GGT7: variants seen among roughly 807,000 people sequenced by gnomAD.
GGT7 encodes the protein gamma-glutamyltransferase 7, also known as glutathione hydrolase 7.
In GGT7, 30 loss-of-function variants were observed where a neutral mutation model predicts 69.2. The ratio of observed to expected loss-of-function variants is 0.43; its 90% CI spans 0.32 to 0.59. GGT7 has a LOEUF of 0.59. Ranked by LOEUF, GGT7 falls within the 20% of genes least tolerant of loss-of-function variation. GGT7 has a pLI of 0.05. For synonymous variants in GGT7, 388 were observed against 391.8 expected (o/e 0.99, Z 0.12); for missense variants, 733 against 901.1 (o/e 0.81, Z 2.39).
At chr20:34,859,898 C>G in intron 6 of GGT7, 71 bp downstream of exon 6, 1 of 1,136,836 alleles carries the variant, frequency 8.8e-7, no homozygotes, top group Non-Finnish European at 1.3e-6. Context: ...CTGGCTTGGG[C>G]TCCAAATCTC....
intron 7 of GGT7, among the ~76,000 whole-genome samples, chr20:34,859,058 T>C (rs1023386208): frequency 2.0e-5 from 3 of 151,972 alleles, no homozygotes; most frequent in Non-Finnish European, 4.4e-5. Flanking sequence ...TAATCCCAGT[T>C]ACTCGGGAGG....
At chr20:34,855,765 G>A (rs1201422388) in intron 8 of GGT7, among the ~76,000 whole-genome samples, 6 of 131,334 alleles carry the variant, frequency 4.6e-5, no homozygotes, top group South Asian at 2.5e-4. Flanking sequence ...TAGCTCCAAC[G>A]CTACGCTTGT....
intron 10 of GGT7, among the ~76,000 whole-genome samples, chr20:34,853,701 T>C (rs938548406): frequency 1.3e-5 from 2 of 152,180 alleles, no homozygotes; most frequent in Non-Finnish European, 2.9e-5. Flanking sequence ...AAGCTTTACA[T>C]GTATGATTTT....
intron 14 of GGT7, among the ~76,000 whole-genome samples, chr20:34,849,544 C>A (rs575978918): frequency 6.6e-6 from 1 of 152,284 alleles, no homozygotes; most frequent in Non-Finnish European, 1.5e-5. Flanking sequence ...CCTATTATAT[C>A]ACCCTGCTTT....
chr20:34,862,765 T>C, intron 3 of GGT7, 49 bp downstream of exon 3: 3 of 1,594,800 alleles, frequency 1.9e-6, no homozygotes, highest in Non-Finnish European at 2.6e-6. Context: ...CCTACAGACC[T>C]GGAGGCAAGA....
chr20:34,852,751 G>A (rs1244215298), intron 10 of GGT7, among the ~76,000 whole-genome samples: 1 of 152,170 alleles, frequency 6.6e-6, no homozygotes, highest in East Asian at 1.9e-4. Context: ...ATTCTTTTCT[G>A]GAACCAACTT....
chr20:34,850,463 TC>T (rs749690808), intron 13 of GGT7, among the ~76,000 whole-genome samples: 37 of 152,164 alleles, frequency 2.4e-4, no homozygotes, highest in Admixed American at 1.3e-4. Context: ...CCAAACTGCC[TC>T]CCTGCTCTTT....
intron 12 of GGT7, among the ~76,000 whole-genome samples, chr20:34,851,788 G>A: frequency 6.6e-6 from 1 of 152,198 alleles, no homozygotes; most frequent in South Asian, 2.1e-4. Flanking sequence ...CCTCTTTGGT[G>A]CCCAACCATA....
chr20:34,849,161 C>CTT (rs750114916), intron 14 of GGT7, among the ~76,000 whole-genome samples: 11 of 138,400 alleles, frequency 7.9e-5, no homozygotes, highest in African/African-American at 2.4e-4. Flanking sequence ...CTCTCTCTTA[C>CTT]TTTTTTTTTT....
intron 1 of GGT7, among the ~76,000 whole-genome samples, chr20:34,868,839 C>G (rs982630112): frequency 3.3e-5 from 5 of 152,110 alleles, no homozygotes; most frequent in Non-Finnish European, 7.4e-5. Context: ...CATCTTGCCC[C>G]TAATAAAATG....
At chr20:34,854,182 C>A (rs556525991) in intron 10 of GGT7, among the ~76,000 whole-genome samples, 13 of 152,298 alleles carry the variant, frequency 8.5e-5, no homozygotes, top group African/African-American at 3.1e-4. Flanking sequence ...GGTGATCCAC[C>A]CGCCTTGGCC....
At chr20:34,858,859 G>A (rs1227711441) in intron 7 of GGT7, among the ~76,000 whole-genome samples, 2 of 152,124 alleles carry the variant, frequency 1.3e-5, no homozygotes, top group Admixed American at 6.5e-5. Flanking sequence ...GAAGCCCAAA[G>A]GTACCTCTGA....
intron 3 of GGT7, 58 bp from the exon 4 acceptor site, chr20:34,861,620 A>T: frequency 9.6e-7 from 1 of 1,045,342 alleles, no homozygotes; most frequent in Non-Finnish European, 1.3e-6. Flanking sequence ...CTGTACAATG[A>T]ATCTGCTGCC....
At position 34,849,998 on chromosome 20, in the gene GGT7, T is replaced by G; in HGVS notation, c.1788A>C (p.Leu596=). The change falls in exon 14 of 15, where the codon CTA becomes CTC. Residue 596 remains leucine, a synonymous_variant. Coordinates refer to ENST00000336431, the MANE Select transcript of GGT7 (RefSeq NM_178026.3). The part of the protein sequence containing the change: ...NLSDSLARGR[L]HPDLQSNLLQ... ...GGAGGTTGGACTGCAGGTCCGGGTG[T>G]AGGCGGCCGCGGGCCAGGCTGTCAC... 6.2e-7 allele frequency: 1 copy of G among 1,613,728 alleles called. No individual in the cohort carries two copies. The highest frequency in any genetic ancestry group is 8.5e-7 in the Non-Finnish European group (1 of 1,179,740).
At position 34,854,866 on chromosome 20, in the gene GGT7, A is replaced by G. The variant is rs779193920; in HGVS notation, c.1160T>C (p.Leu387Pro). ...GAGATTGAAGCCCTCCAGGATGTTG[A>G]GAGCACTGATGAGGGCAGGGCCCGT... is the stretch of plus-strand genomic sequence containing the variant. ...PHTGPALISA[L>P]NILEGFNLTS... The change falls in exon 9 of 15, where the codon CTC becomes CCC. Residue 387 changes from leucine to proline, a missense_variant. Coordinates refer to ENST00000336431, the MANE Select transcript of GGT7 (RefSeq NM_178026.3). 1.9e-6 allele frequency: 3 copies of G among 1,614,060 alleles called. No individual in the cohort carries two copies. Among genetic ancestry groups the G allele is most frequent in the Non-Finnish European group, 2.5e-6 (3 of 1,179,930 alleles).
intron 9 of GGT7, 64 bp from the exon 10 acceptor site, chr20:34,854,683 A>G: frequency 6.4e-7 from 1 of 1,568,460 alleles, no homozygotes; most frequent in South Asian, 1.1e-5. Context: ...CACCCAGTGG[A>G]CTTTCGTGTG....
intron 9 of GGT7, 84 bp downstream of exon 9, chr20:34,854,711 GA>G: frequency 6.3e-7 from 1 of 1,593,170 alleles, no homozygotes; most frequent in Admixed American, 1.7e-5. Context: ...ACTTGGAGGG[GA>G]TTTAGTCCTG....
intron 6 of GGT7, 94 bp downstream of exon 6, chr20:34,859,875 A>G (rs1323783121): frequency 4.2e-6 from 4 of 961,066 alleles, no homozygotes; most frequent in Admixed American, 2.0e-5. Context: ...GCAAACTGGA[A>G]GAGAGGGCCT....
At chr20:34,852,801 C>A (rs1304189045) in intron 10 of GGT7, among the ~76,000 whole-genome samples, 1 of 152,212 alleles carries the variant, frequency 6.6e-6, no homozygotes, top group Non-Finnish European at 1.5e-5. Flanking sequence ...AGTTATCTGA[C>A]TTCTTAATCC....
Sources: allele counts gnomAD v4.1 joint callset (sites outside exome capture counted in the v4.1 genomes callset), GRCh38; gene constraint gnomAD v4.1.1; transcripts MANE v1.5; gene names NCBI Gene and HGNC (gene_info 2026-07-23, HGNC 2026-07-21).